The following ARHGAP6 variants were observed in gnomAD, a reference collection of about 807,000 sequenced individuals.
The protein encoded by ARHGAP6 is rho GTPase-activating protein 6.
Under a neutral mutation model 55.7 loss-of-function variants are expected in ARHGAP6, and 16 were observed. That is an observed-to-expected ratio of 0.29 (90% confidence interval 0.19 to 0.44). The LOEUF (loss-of-function observed/expected upper bound fraction) is 0.44. ARHGAP6 is among the 20% of genes least tolerant of loss of function. The probability of loss-of-function intolerance (pLI) is 1.00; values close to 1 mark genes in which losing one functional copy is unlikely to be tolerated. For synonymous variants in ARHGAP6, 382 were observed against 360.9 expected, an observed-to-expected ratio of 1.06 and a Z score of -0.66; for missense variants, 698 against 808.9, an observed-to-expected ratio of 0.86 and a Z score of 1.66.
At chrX:11,168,050 G>A (rs771887605) in intron 9 of ARHGAP6, among the ~76,000 whole-genome samples, 2 of 111,847 alleles carry the variant, frequency 1.8e-5, no homozygotes, top group African/African-American at 3.3e-5. Flanking sequence ...AGCCTCGCTT[G>A]AAGTTAAGTG....
chrX:11,536,862 T>A (rs2051109084), intron 1 of ARHGAP6, among the ~76,000 whole-genome samples: 1 of 112,385 alleles, frequency 8.9e-6, no homozygotes. Context: ...GGGGTTTGCA[T>A]AAAATGAAAT....
At chrX:11,347,033 C>G (rs1462408038) in intron 1 of ARHGAP6, among the ~76,000 whole-genome samples, 2 of 112,042 alleles carry the variant, frequency 1.8e-5, no homozygotes, top group Non-Finnish European at 3.8e-5. Context: ...TAAAATATCA[C>G]TGTTTGATAG....
At chrX:11,276,032 A>C (rs1207216042) in intron 1 of ARHGAP6, among the ~76,000 whole-genome samples, 1 of 112,047 alleles carries the variant, frequency 8.9e-6, no homozygotes, top group Non-Finnish European at 1.9e-5. Context: ...TTGTTAAAGA[A>C]GGCGAATCTG....
intron 2 of ARHGAP6, among the ~76,000 whole-genome samples, chrX:11,240,203 C>A (rs1240934759): frequency 8.9e-6 from 1 of 112,367 alleles, no homozygotes; most frequent in Non-Finnish European, 1.9e-5. Flanking sequence ...ACAAGTCAGG[C>A]TGGACAAAGG....
At chrX:11,197,729 T>C (rs112538924) in intron 2 of ARHGAP6, among the ~76,000 whole-genome samples, 2,714 of 112,371 alleles carry the variant, frequency 0.024, 28 homozygotes, top group Middle Eastern at 0.06. Flanking sequence ...TACAGTCTAG[T>C]ATTTGCAACA....
intron 1 of ARHGAP6, among the ~76,000 whole-genome samples, chrX:11,582,221 C>T (rs1262971583): frequency 9.0e-6 from 1 of 111,026 alleles, no homozygotes; most frequent in East Asian, 2.8e-4. Context: ...AGATTTGACC[C>T]AGGGAGTCTG....
intron 1 of ARHGAP6, among the ~76,000 whole-genome samples, chrX:11,318,862 C>T (rs2048392164): frequency 2.7e-5 from 3 of 112,160 alleles, no homozygotes; most frequent in South Asian, 7.5e-4. Flanking sequence ...CCAGGGCAGA[C>T]AGCAGCTGCC....
At chrX:11,622,598 A>G (rs1433038638) in intron 1 of ARHGAP6, among the ~76,000 whole-genome samples, 1 of 111,603 alleles carries the variant, frequency 9.0e-6, no homozygotes, top group Non-Finnish European at 1.9e-5. Flanking sequence ...CTGTGTCACA[A>G]AAATGACTGA....
At chrX:11,179,077 G>A (rs2046276784) in intron 7 of ARHGAP6, among the ~76,000 whole-genome samples, 1 of 112,145 alleles carries the variant, frequency 8.9e-6, no homozygotes, top group Non-Finnish European at 1.9e-5. Context: ...TTATTTGAAA[G>A]CATCTCAAAT....
At chrX:11,275,836 C>A (rs925597268) in intron 1 of ARHGAP6, among the ~76,000 whole-genome samples, 10 of 111,542 alleles carry the variant, frequency 9.0e-5, no homozygotes, top group African/African-American at 3.3e-4. Context: ...TTCCCCATGC[C>A]TTCCTACTCA....
chrX:11,560,295 A>G (rs1020050721), intron 1 of ARHGAP6, among the ~76,000 whole-genome samples: 5 of 112,339 alleles, frequency 4.5e-5, no homozygotes, highest in Non-Finnish European at 9.4e-5. Context: ...ACTGTGTTCC[A>G]ATAAAACCTT....
intron 2 of ARHGAP6, among the ~76,000 whole-genome samples, chrX:11,236,255 G>A (rs768545681): frequency 1.3e-4 from 14 of 111,861 alleles, no homozygotes; most frequent in African/African-American, 2.6e-4. Context: ...ATTGCAGAGC[G>A]AAGTGGGGGA....
At chrX:11,637,573 A>G (rs1479757864) in intron 1 of ARHGAP6, among the ~76,000 whole-genome samples, 2 of 111,517 alleles carry the variant, frequency 1.8e-5, no homozygotes, top group African/African-American at 6.5e-5. Context: ...AACCTACTAC[A>G]CTACCAGAAA....
In ARHGAP6 at chrX:11,397,459, A is replaced by G. The variant is rs1269986271; in HGVS notation, c.589-142752T>C. Among the ~76,000 whole-genome samples, 3 of 111,518 alleles carry G rather than the reference A, an allele frequency of 2.7e-5. No individual in the cohort carries two copies. In the East Asian group the frequency reaches 8.3e-4, roughly 31 times the overall value. ...ATACATAATATGAAGATGTAATATA[A>G]TATATATTATCTATAATGTATAATG... On this transcript the variant is annotated intron_variant, in intron 1 of 12. Coordinates refer to ENST00000337414, the MANE Select transcript of ARHGAP6 (RefSeq NM_013427.3).
At chrX:11,269,297 C>T (rs1191415491) in intron 1 of ARHGAP6, among the ~76,000 whole-genome samples, 1 of 111,625 alleles carries the variant, frequency 9.0e-6, no homozygotes, top group African/African-American at 3.3e-5. Flanking sequence ...TTCCTACATT[C>T]TCACTTGGAA....
chrX:11,582,582 G>A (rs962293514), intron 1 of ARHGAP6, among the ~76,000 whole-genome samples: 37 of 111,770 alleles, frequency 3.3e-4, no homozygotes, highest in African/African-American at 1.1e-3. Context: ...CAAGGGATAT[G>A]TTTCCATGGG....
At chrX:11,569,667 C>A (rs1453784078) in intron 1 of ARHGAP6, among the ~76,000 whole-genome samples, 1 of 111,757 alleles carries the variant, frequency 8.9e-6, no homozygotes, top group Non-Finnish European at 1.9e-5. Context: ...CCACACCCCC[C>A]ATCCTAATTG....
At chrX:11,552,051 T>G (rs755615142) in intron 1 of ARHGAP6, among the ~76,000 whole-genome samples, 1 of 111,639 alleles carries the variant, frequency 9.0e-6, no homozygotes, top group African/African-American at 3.3e-5. Context: ...TATAAGGAAC[T>G]AAAACAACTC....
At chrX:11,471,521 A>G in intron 1 of ARHGAP6, among the ~76,000 whole-genome samples, 1 of 112,242 alleles carries the variant, frequency 8.9e-6, no homozygotes, top group Non-Finnish European at 1.9e-5. Context: ...TTATTCAGAA[A>G]TGTGCATTAA....
Sources: allele counts gnomAD v4.1 joint callset (sites outside exome capture counted in the v4.1 genomes callset), GRCh38; gene constraint gnomAD v4.1.1; transcripts MANE v1.5; gene names NCBI Gene and HGNC (gene_info 2026-07-23, HGNC 2026-07-21).